The following PPP2R2B variants were observed in gnomAD, a reference collection of about 807,000 sequenced individuals.
The protein encoded by PPP2R2B is protein phosphatase 2 regulatory subunit Bbeta.
A neutral mutation model predicts 46.0 loss-of-function variants in PPP2R2B; 5 were observed. The observed-to-expected ratio is 0.11, with a 90% CI of 0.06 to 0.23. The LOEUF (loss-of-function observed/expected upper bound fraction) is 0.23. Ranked by LOEUF, PPP2R2B falls within the 10% of genes least tolerant of loss-of-function variation. The pLI, the probability that PPP2R2B is intolerant of heterozygous loss-of-function variation, is 1.00. For synonymous variants in PPP2R2B, 215 were observed against 206.7 expected (o/e 1.04, Z -0.34); for missense variants, 367 against 575.0 (o/e 0.64, Z 3.70).
At position 146,590,398 on chromosome 5, in the gene PPP2R2B, GTTTTT is replaced by G. The variant is rs1221281341; in HGVS notation, c.1053-177_1053-173del. On this transcript the variant is annotated intron_variant, in intron 9 of 9. Coordinates refer to ENST00000394411, the MANE Select transcript of PPP2R2B (RefSeq NM_181675.4). Reference sequence around the variant, plus strand: ...TATTGGCTTTTTGTTTTTTTTTTGTGTTTTTTTTTTTTTTTTTTGAATCACTGAAA... The same window carrying G: ...TATTGGCTTTTTGTTTTTTTTTTGTGTTTTTTTTTTTTTGAATCACTGAAA... 5.3e-3 allele frequency among the ~76,000 whole-genome samples: 597 copies of G among 113,418 alleles called. 5 individuals are homozygous for G. The highest frequency in any genetic ancestry group is 0.019 in the African/African-American group (575 of 30,784). 74.4% of individuals were successfully genotyped at this position (113,418 alleles called of 152,430 possible).
chr5:147,025,337 A>G (rs1755475047), intron 1 of PPP2R2B, among the ~76,000 whole-genome samples: 1 of 152,040 alleles, frequency 6.6e-6, no homozygotes, highest in Non-Finnish European at 1.5e-5. Context: ...TCCTTCAAAT[A>G]TTTAAGAAAG....
chr5:147,056,242 C>T, upstream of PPP2R2B: 1 of 433,898 alleles, frequency 2.3e-6, no homozygotes, highest in Non-Finnish European at 3.1e-6. Context: ...TTAAAAGGAG[C>T]CACCCGTAAT....
intron 1 of PPP2R2B, among the ~76,000 whole-genome samples, chr5:146,943,219 T>C (rs1395468047): frequency 1.3e-5 from 2 of 152,204 alleles, no homozygotes; most frequent in Non-Finnish European, 2.9e-5. Flanking sequence ...GAACTGAGTT[T>C]TATTTCTTTA....
intron 2 of PPP2R2B, among the ~76,000 whole-genome samples, chr5:146,704,997 G>A (rs1779752870): frequency 6.6e-6 from 1 of 152,128 alleles, no homozygotes. Context: ...ACTCACATAG[G>A]AGGGTGACTG....
chr5:147,063,446 T>C (rs1280245587), intron 2 of PPP2R2B, among the ~76,000 whole-genome samples: 1 of 152,212 alleles, frequency 6.6e-6, no homozygotes, highest in Non-Finnish European at 1.5e-5. Context: ...ATGCACTTAT[T>C]AGCTCTCATT....
chr5:146,955,634 A>G (rs1179386698), intron 1 of PPP2R2B, among the ~76,000 whole-genome samples: 2 of 152,144 alleles, frequency 1.3e-5, no homozygotes. Flanking sequence ...ACCCAGCACA[A>G]GAAGAACTGG....
intron 2 of PPP2R2B, among the ~76,000 whole-genome samples, chr5:146,845,500 G>T (rs1043614939): frequency 6.6e-6 from 1 of 151,780 alleles, no homozygotes; most frequent in Non-Finnish European, 1.5e-5. Context: ...TGATCCGCCC[G>T]CCTCGGCCTC....
intron 2 of PPP2R2B, among the ~76,000 whole-genome samples, chr5:146,753,178 CAT>C (rs1753653960): frequency 6.6e-6 from 1 of 152,156 alleles, no homozygotes; most frequent in South Asian, 2.1e-4. Flanking sequence ...TATCATGACA[CAT>C]GTGGGTAAAA....
At chr5:146,677,731 T>G (rs1413859559) in intron 5 of PPP2R2B, among the ~76,000 whole-genome samples, 1 of 152,100 alleles carries the variant, frequency 6.6e-6, no homozygotes, top group Non-Finnish European at 1.5e-5. Flanking sequence ...TTTCACCATG[T>G]TGCCCAGGCT....
At chr5:146,779,916 T>A (rs1351223568) in intron 2 of PPP2R2B, among the ~76,000 whole-genome samples, 1 of 152,188 alleles carries the variant, frequency 6.6e-6, no homozygotes, top group Non-Finnish European at 1.5e-5. Flanking sequence ...AGTCTGCTTT[T>A]GAGTTACATA....
At chr5:146,863,859 C>T (rs1370810605) in intron 2 of PPP2R2B, among the ~76,000 whole-genome samples, 1 of 152,032 alleles carries the variant, frequency 6.6e-6, no homozygotes, top group Admixed American at 6.6e-5. Context: ...GATTTCACAC[C>T]GACTCCCAAC....
Position 146,587,267 on chromosome 5 carries a change from A to G in PPP2R2B, c.*2680T>C, listed in dbSNP as rs745868776. 3 of 152,240 alleles carry G rather than the reference A, an allele frequency of 2.0e-5. No homozygotes were observed. The highest frequency in any genetic ancestry group is 6.5e-5 in the Admixed American group (1 of 15,282). 9.4% of individuals were successfully genotyped at this position (152,240 alleles called of 1,614,324 possible). ...GTAAAGAACAGTTAATTTGTGAAAC[A>G]TCGTGGTGGTTATTGCTCCCTGAGG... is the stretch of plus-strand genomic sequence containing the variant. On this transcript the variant is annotated 3_prime_UTR_variant, in exon 10 of 10. Coordinates refer to ENST00000394411, the MANE Select transcript of PPP2R2B (RefSeq NM_181675.4).
intron 2 of PPP2R2B, among the ~76,000 whole-genome samples, chr5:146,725,394 A>G (rs1751800484): frequency 6.6e-6 from 1 of 152,104 alleles, no homozygotes; most frequent in Admixed American, 6.6e-5. Context: ...AGAAGGCTGG[A>G]AAAAAAATCC....
chr5:146,974,384 G>A (rs1176069309), intron 1 of PPP2R2B, among the ~76,000 whole-genome samples: 1 of 152,158 alleles, frequency 6.6e-6, no homozygotes, highest in African/African-American at 2.4e-5. Flanking sequence ...GGTCCAAGGA[G>A]TATGAGTAAC....
intron 1 of PPP2R2B, among the ~76,000 whole-genome samples, chr5:146,926,183 CT>C (rs939420358): frequency 3.3e-5 from 5 of 151,522 alleles, no homozygotes; most frequent in African/African-American, 1.2e-4. Flanking sequence ...ATGGGTAACA[CT>C]TTTTTTTCTT....
At chr5:146,694,606 T>C (rs748713576) in intron 4 of PPP2R2B, among the ~76,000 whole-genome samples, 1 of 152,210 alleles carries the variant, frequency 6.6e-6, no homozygotes, top group East Asian at 1.9e-4. Context: ...TAAATCCTTA[T>C]AGTACTTTTT....
At chr5:146,825,225 G>T (rs943182620) in intron 2 of PPP2R2B, among the ~76,000 whole-genome samples, 1 of 152,134 alleles carries the variant, frequency 6.6e-6, no homozygotes, top group Non-Finnish European at 1.5e-5. Context: ...CCCTTCAGAG[G>T]GTTGCTGAGC....
intron 2 of PPP2R2B, among the ~76,000 whole-genome samples, chr5:146,854,380 G>A (rs568314908): frequency 3.9e-5 from 6 of 152,066 alleles, no homozygotes; most frequent in South Asian, 4.2e-4. Context: ...TATGGTATTC[G>A]GGTTATTTAT....
At chr5:147,033,883 A>G (rs895119592) in intron 1 of PPP2R2B, among the ~76,000 whole-genome samples, 2 of 151,900 alleles carry the variant, frequency 1.3e-5, no homozygotes, top group African/African-American at 4.8e-5. Context: ...CTTGCCTCCT[A>G]CTCTTATTTC....
Sources: gnomAD v4.1 joint callset for allele counts (sites outside exome capture counted in the v4.1 genomes callset) on GRCh38, gnomAD v4.1.1 for gene constraint, MANE v1.5 for transcripts, NCBI Gene and HGNC (gene_info 2026-07-23, HGNC 2026-07-21) for gene names.